PRKAR1B: variants seen among roughly 807,000 people sequenced by gnomAD.
PRKAR1B encodes cAMP-dependent protein kinase type I-beta regulatory subunit.
Under a neutral mutation model 46.5 loss-of-function variants are expected in PRKAR1B, and 22 were observed. The ratio of observed to expected loss-of-function variants is 0.47; its 90% CI spans 0.34 to 0.68. The LOEUF (loss-of-function observed/expected upper bound fraction) is 0.68. Ranked by LOEUF, PRKAR1B falls within the 30% of genes least tolerant of loss-of-function variation. The pLI is 0.01. For missense variants in PRKAR1B, 445 were observed against 535.6 expected (o/e 0.83, Z 1.67); for synonymous variants, 259 against 217.7 (o/e 1.19, Z -1.67).
intron 2 of PRKAR1B, among the ~76,000 whole-genome samples, chr7:697,512 G>C (rs1293623519): frequency 6.6e-6 from 1 of 152,166 alleles, no homozygotes; most frequent in Non-Finnish European, 1.5e-5. Context: ...GGGCAGGCAT[G>C]AGTGGTGTTT....
intron 4 of PRKAR1B, among the ~76,000 whole-genome samples, chr7:645,065 C>T (rs936654758): frequency 2.6e-5 from 4 of 152,152 alleles, no homozygotes; most frequent in African/African-American, 4.8e-5. Flanking sequence ...TTTAGAAATC[C>T]GGAAGAGAAA....
At chr7:584,453 C>T in intron 8 of PRKAR1B, 55 bp downstream of exon 8, 2 of 1,527,436 alleles carry the variant, frequency 1.3e-6, no homozygotes, top group Non-Finnish European at 1.8e-6. Context: ...GCCGGGGTGG[C>T]CAGCAGGCGC....
chr7:623,030 A>G (rs1428892917), intron 4 of PRKAR1B, among the ~76,000 whole-genome samples: 1 of 152,206 alleles, frequency 6.6e-6, no homozygotes, highest in East Asian at 1.9e-4. Flanking sequence ...GGGTGCTGGC[A>G]TCACGGTCCT....
rs903838678 is a variant in PRKAR1B, at chr7:712,458, G to C, written c.-22-931C>G. On this transcript the variant is annotated intron_variant, in intron 1 of 10. Coordinates refer to ENST00000537384, the MANE Select transcript of PRKAR1B (RefSeq NM_001164760.2). ...GGCCAGGAGGCGGCTGCGCGGGGACGCGGGGCGCGGGGACGGCTGGCGAGC... is the reference window on the plus strand; with the variant it reads ...GGCCAGGAGGCGGCTGCGCGGGGACCCGGGGCGCGGGGACGGCTGGCGAGC... The C allele has an allele frequency of 4.4e-4, 65 of 148,340 alleles. 1 individual carries two copies. Among genetic ancestry groups the C allele is most frequent in the Middle Eastern group, 6.8e-3 (2 of 292 alleles). The allele number at this position is 148,340 out of a possible 1,614,324, so 9.2% of individuals were successfully genotyped here. A position where few individuals can be genotyped will look rare whatever the true frequency, so the allele number is the denominator to read the frequency against.
chr7:578,532 C>T (rs561033556), intron 9 of PRKAR1B, among the ~76,000 whole-genome samples: 11 of 152,328 alleles, frequency 7.2e-5, no homozygotes, highest in African/African-American at 2.6e-4. Flanking sequence ...TGAATGTATG[C>T]GATGTCCCCA....
chr7:723,572 C>T (rs920032170), intron 1 of PRKAR1B, among the ~76,000 whole-genome samples: 3 of 152,172 alleles, frequency 2.0e-5, no homozygotes, highest in East Asian at 3.9e-4. Context: ...AAGTGAAGTC[C>T]CACCACCGTA....
At chr7:609,940 G>A (rs536008986) in intron 4 of PRKAR1B, among the ~76,000 whole-genome samples, 2 of 151,998 alleles carry the variant, frequency 1.3e-5, no homozygotes, top group South Asian at 2.1e-4. Context: ...GATGGGTCTC[G>A]CTATGTTGCC....
intron 4 of PRKAR1B, among the ~76,000 whole-genome samples, chr7:620,912 T>A (rs1783077131): frequency 6.6e-6 from 1 of 152,268 alleles, no homozygotes; most frequent in Non-Finnish European, 1.5e-5. Flanking sequence ...TTGCTCTGTG[T>A]TGGGTATGTA....
chr7:613,470 G>A (rs1782638054), intron 4 of PRKAR1B, among the ~76,000 whole-genome samples: 1 of 152,138 alleles, frequency 6.6e-6, no homozygotes, highest in African/African-American at 2.4e-5. Context: ...CAGACTCCAA[G>A]CCCACAACGT....
At chr7:570,135 G>A (rs1779410107) in intron 9 of PRKAR1B, among the ~76,000 whole-genome samples, 1 of 152,204 alleles carries the variant, frequency 6.6e-6, no homozygotes, top group Non-Finnish European at 1.5e-5. Flanking sequence ...CCGGCACCTC[G>A]GCGGATCTCA....
At chr7:582,673 G>C (rs542529435) in intron 8 of PRKAR1B, among the ~76,000 whole-genome samples, 1 of 152,352 alleles carries the variant, frequency 6.6e-6, no homozygotes, top group South Asian at 2.1e-4. Context: ...GGAGCAGGGA[G>C]AGGGTCTCGC....
At position 629,033 on chromosome 7, in the gene PRKAR1B, T is replaced by C. The variant is rs189196569; in HGVS notation, c.441-21581A>G. 9.5e-4 allele frequency among the ~76,000 whole-genome samples: 145 copies of C among 152,346 alleles called. 1 individual carries two copies. The highest frequency in any genetic ancestry group is 3.3e-3 in the African/African-American group (139 of 41,580). ...GGACGCCATTGCTACACCACCTGTG[T>C]GTCGGACATTACAGCCGATGGTGAC... On this transcript the variant is annotated intron_variant, in intron 4 of 10. Transcript: ENST00000537384.
chr7:567,533 CACT>C (rs1404871378), intron 9 of PRKAR1B, among the ~76,000 whole-genome samples: 44 of 150,990 alleles, frequency 2.9e-4, no homozygotes, highest in African/African-American at 9.0e-4. Context: ...TCACCATCAT[CACT>C]ATCACCATCA....
At chr7:711,788 G>A (rs982042083) in intron 1 of PRKAR1B, among the ~76,000 whole-genome samples, 1 of 152,094 alleles carries the variant, frequency 6.6e-6, no homozygotes, top group Admixed American at 6.5e-5. Flanking sequence ...AGACAGGGGT[G>A]CACGCGGCTG....
chr7:685,289 T>TATAC (rs1491565815), intron 2 of PRKAR1B, among the ~76,000 whole-genome samples: 1,557 of 12,028 alleles, frequency 0.13, 134 homozygotes, highest in East Asian at 0.34. Context: ...CGTATATATA[T>TATAC]GTATACATAT....
intron 6 of PRKAR1B, among the ~76,000 whole-genome samples, chr7:600,930 G>A (rs536204268): frequency 3.3e-5 from 5 of 152,306 alleles, no homozygotes; most frequent in Non-Finnish European, 7.3e-5. Context: ...GGCAACACAC[G>A]GACGGCAGCA....
At chr7:605,289 G>C (rs149064416) in intron 6 of PRKAR1B, among the ~76,000 whole-genome samples, 1 of 152,216 alleles carries the variant, frequency 6.6e-6, no homozygotes, top group Non-Finnish European at 1.5e-5. Flanking sequence ...CAAACTCCTA[G>C]CGGGCGTTTT....
intron 2 of PRKAR1B, among the ~76,000 whole-genome samples, chr7:695,993 G>T (rs973579452): frequency 1.5e-5 from 2 of 130,602 alleles, no homozygotes; most frequent in Non-Finnish European, 1.6e-5. Flanking sequence ...TTTTGAGATA[G>T]GGTCTTTCTC....
chr7:604,437 C>G lies in PRKAR1B; in HGVS notation c.549+1756G>C, dbSNP rs990217143. ...TCTCTAGGGGAGACAGGAGCACCCC[C>G]ACTCCCTGACACAAAGGTCTGCCCC... On this transcript the variant is annotated intron_variant, in intron 6 of 10. Transcript: ENST00000537384. Among the ~76,000 whole-genome samples the G allele has an allele frequency of 2.6e-5, 4 of 152,186 alleles. No homozygotes were observed. The East Asian group carries it at 7.7e-4, about 29-fold the overall frequency.
Sources: gnomAD v4.1 joint callset for allele counts (sites outside exome capture counted in the v4.1 genomes callset) on GRCh38, gnomAD v4.1.1 for gene constraint, MANE v1.5 for transcripts, NCBI Gene and HGNC (gene_info 2026-07-23, HGNC 2026-07-21) for gene names.